The following ANKRD12 variants were observed in gnomAD, a reference collection of about 807,000 sequenced individuals.
ANKRD12 encodes ankyrin repeat domain 12.
ANKRD12 carries 85 observed loss-of-function variants against 183.4 expected under a neutral mutation model. That is an observed-to-expected ratio of 0.46 (90% CI 0.39 to 0.56). The LOEUF (loss-of-function observed/expected upper bound fraction) is 0.56. Among genes scored for constraint, ANKRD12 ranks in the 20% least tolerant of loss-of-function variants. ANKRD12 has a pLI of 0.00. For missense variants in ANKRD12, 2,405 were observed against 2,357.1 expected, an observed-to-expected ratio of 1.02 and a Z score of -0.42; for synonymous variants, 914 against 800.2, an observed-to-expected ratio of 1.14 and a Z score of -2.40.
chr18:9,161,031 G>T (rs1031762240), intron 1 of ANKRD12, among the ~76,000 whole-genome samples: 1 of 151,966 alleles, frequency 6.6e-6, no homozygotes, highest in Non-Finnish European at 1.5e-5. Context: ...TAGAGATGAG[G>T]TCTCACTATG....
At chr18:9,264,021 T>C in intron 10 of ANKRD12, 133 bp downstream of exon 10, 1 of 868,664 alleles carries the variant, frequency 1.2e-6, no homozygotes, top group East Asian at 3.3e-5. Flanking sequence ...GGTTTTATCT[T>C]GTGTTTATTA....
chr18:9,279,038 G>C (rs901898384), intron 11 of ANKRD12, among the ~76,000 whole-genome samples: 11 of 152,178 alleles, frequency 7.2e-5, no homozygotes, highest in Admixed American at 6.5e-5. Context: ...GCTGGAATTT[G>C]AATATAGTCT....
chr18:9,261,735 T>G (rs2038978296), intron 9 of ANKRD12, among the ~76,000 whole-genome samples: 1 of 152,178 alleles, frequency 6.6e-6, no homozygotes, highest in Non-Finnish European at 1.5e-5. Context: ...CATCCTCTTT[T>G]GGGAATTACC....
intron 1 of ANKRD12, among the ~76,000 whole-genome samples, chr18:9,164,231 G>C (rs1241997706): frequency 6.6e-6 from 1 of 152,144 alleles, no homozygotes; most frequent in Non-Finnish European, 1.5e-5. Flanking sequence ...TTAACATGAA[G>C]GGATGTTGAA....
chr18:9,153,070 G>A (rs1218915863), intron 1 of ANKRD12, among the ~76,000 whole-genome samples: 1 of 152,156 alleles, frequency 6.6e-6, no homozygotes, highest in African/African-American at 2.4e-5. Flanking sequence ...CTGACCTCAA[G>A]CAGTCCTCCT....
At chr18:9,176,345 G>T (rs2033266129) in intron 1 of ANKRD12, among the ~76,000 whole-genome samples, 1 of 152,054 alleles carries the variant, frequency 6.6e-6, no homozygotes, top group Admixed American at 6.6e-5. Flanking sequence ...AGGCCAGAGT[G>T]CAGTGTGCGA....
At chr18:9,248,336 A>G (rs1220207436) in intron 8 of ANKRD12, among the ~76,000 whole-genome samples, 1 of 152,244 alleles carries the variant, frequency 6.6e-6, no homozygotes, top group Admixed American at 6.5e-5. Context: ...TTGCTGTACA[A>G]TTATTAAAAT....
chr18:9,241,004 C>T (rs1053179554), intron 8 of ANKRD12, among the ~76,000 whole-genome samples: 4 of 152,088 alleles, frequency 2.6e-5, no homozygotes, highest in African/African-American at 9.7e-5. Context: ...TTGGTACTTA[C>T]TTACAATGGA....
chr18:9,264,694 C>G (rs1335834310), intron 10 of ANKRD12, among the ~76,000 whole-genome samples: 4 of 152,172 alleles, frequency 2.6e-5, no homozygotes, highest in African/African-American at 9.7e-5. Flanking sequence ...ACTGCATGAC[C>G]CATTGACAAT....
Position 9,256,872 on chromosome 18 carries a change from G to C in ANKRD12, c.3605G>C (p.Arg1202Thr), listed in dbSNP as rs1295214915. The change falls in exon 9 of 13, where the codon AGA (arginine) becomes ACA (threonine). Residue 1202 changes from arginine (R) to threonine (T), a missense_variant. This residue lies in a region of ANKRD12 where 1,983 missense variants were observed against 1,725.9 expected (regional missense o/e 1.15). Coordinates refer to ENST00000262126, the MANE Select transcript of ANKRD12 (RefSeq NM_015208.5). ...SENEKPGLSS[R>T]SVSMISVASS... ...AATGAAAAGCCGGGTCTCAGCTCCA[G>C]ATCTGTATCCATGATTTCTGTTGCT... The C allele has an allele frequency of 1.2e-6, 2 of 1,613,934 alleles. No individual in the cohort carries two copies. Among genetic ancestry groups the C allele is most frequent in the Non-Finnish European group, 8.5e-7 (1 of 1,179,954 alleles).
At chr18:9,211,840 G>A (rs1259690076) in intron 6 of ANKRD12, 56 bp downstream of exon 6, 48 of 1,366,440 alleles carry the variant, frequency 3.5e-5, no homozygotes, top group Non-Finnish European at 4.6e-5. Context: ...AACAGATCCT[G>A]GTTACAATTT....
chr18:9,276,392 C>T (rs146981698), intron 11 of ANKRD12, among the ~76,000 whole-genome samples: 1 of 152,068 alleles, frequency 6.6e-6, no homozygotes, highest in East Asian at 1.9e-4. Context: ...ATAAAAAAAT[C>T]AAGATTGAAC....
chr18:9,219,754 A>G (rs1023190254), intron 7 of ANKRD12, among the ~76,000 whole-genome samples: 6 of 149,732 alleles, frequency 4.0e-5, no homozygotes, highest in African/African-American at 1.5e-4. Flanking sequence ...TCCTAGAAAG[A>G]AAAGAAAAAA....
intron 8 of ANKRD12, among the ~76,000 whole-genome samples, chr18:9,241,907 A>G (rs1407600923): frequency 6.8e-6 from 1 of 148,112 alleles, no homozygotes; most frequent in Non-Finnish European, 1.5e-5. Context: ...TTTTTTTTTC[A>G]AAAGAAAAAT....
chr18:9,159,054 GGGA>G, intron 1 of ANKRD12, among the ~76,000 whole-genome samples: 2 of 152,122 alleles, frequency 1.3e-5, no homozygotes, highest in South Asian at 4.2e-4. Context: ...CTTCCTTTCT[GGGA>G]GTGCAAGATT....
chr18:9,247,105 T>C (rs2038005754), intron 8 of ANKRD12, among the ~76,000 whole-genome samples: 1 of 152,168 alleles, frequency 6.6e-6, no homozygotes, highest in African/African-American at 2.4e-5. Context: ...CTGTTACACT[T>C]TCTGTTGGGC....
intron 3 of ANKRD12, among the ~76,000 whole-genome samples, chr18:9,201,605 C>A (rs759799849): frequency 2.0e-5 from 3 of 152,098 alleles, no homozygotes; most frequent in Admixed American, 1.3e-4. Flanking sequence ...AGAAAGCCTC[C>A]AGCAGTATAT....
chr18:9,239,158 T>A (rs2037514077), intron 8 of ANKRD12, among the ~76,000 whole-genome samples: 1 of 152,168 alleles, frequency 6.6e-6, no homozygotes, highest in African/African-American at 2.4e-5. Context: ...AAGGTAAAAA[T>A]TGTTTATATG....
At position 9,182,381 on chromosome 18, in the gene ANKRD12, G is replaced by C. The variant is rs1408065850; in HGVS notation, c.-51-1G>C. On this transcript the variant is annotated splice_acceptor_variant, in intron 1 of 12. Coordinates refer to ENST00000262126, the MANE Select transcript of ANKRD12 (RefSeq NM_015208.5). LOFTEE classifies it low-confidence loss of function (5UTR_SPLICE). ...AACCCTTATATATCTATTCTTTACA[G>C]ATCCAGGATGAGAAGACTGATAAAA... 2.4e-6 allele frequency: 3 copies of C among 1,234,052 alleles called. No homozygotes were observed. Among genetic ancestry groups the C allele is most frequent in the Non-Finnish European group, 3.5e-6 (3 of 854,296 alleles). 76.4% of individuals were successfully genotyped at this position (1,234,052 alleles called of 1,614,324 possible).
Sources: gnomAD v4.1 joint callset for allele counts (sites outside exome capture counted in the v4.1 genomes callset) on GRCh38, gnomAD v4.1.1 for gene constraint, gnomAD v4.1.1 regional missense constraint, MANE v1.5 for transcripts, NCBI Gene and HGNC (gene_info 2026-07-23, HGNC 2026-07-21) for gene names.